SHB: variants seen among roughly 807,000 people sequenced by gnomAD.
SHB encodes SH2 domain containing adaptor protein B, also known as SH2 domain-containing adapter protein B.
A neutral mutation model predicts 52.3 loss-of-function variants in SHB; 20 were observed. The observed-to-expected ratio is 0.38, with a 90% CI of 0.27 to 0.56. The LOEUF (loss-of-function observed/expected upper bound fraction) is 0.56, where lower values mean the gene tolerates loss of function less well. Among genes scored for constraint, SHB ranks in the 20% least tolerant of loss-of-function variants. The pLI is 0.71. For missense variants in SHB, 825 were observed against 723.3 expected (o/e 1.14, Z -1.61); for synonymous variants, 397 against 316.5 (o/e 1.25, Z -2.70).
At chr9:38,050,894 G>A (rs913426354) in intron 1 of SHB, among the ~76,000 whole-genome samples, 3 of 152,070 alleles carry the variant, frequency 2.0e-5, no homozygotes, top group African/African-American at 7.2e-5. Flanking sequence ...GGGGGTGATG[G>A]GAGAAAACAC....
intron 1 of SHB, among the ~76,000 whole-genome samples, chr9:38,026,969 T>C (rs894416105): frequency 2.6e-5 from 4 of 152,190 alleles, no homozygotes; most frequent in Non-Finnish European, 4.4e-5. Flanking sequence ...GAGATGGGCA[T>C]TATTCAGTTC....
chr9:38,064,139 A>G (rs1273380815), intron 1 of SHB, among the ~76,000 whole-genome samples: 1 of 150,524 alleles, frequency 6.6e-6, no homozygotes, highest in Non-Finnish European at 1.5e-5. Context: ...TACTGTGTCT[A>G]CCTATTCCAG....
chr9:37,994,546 G>A (rs770382318), intron 2 of SHB, among the ~76,000 whole-genome samples: 66 of 152,240 alleles, frequency 4.3e-4, no homozygotes, highest in Non-Finnish European at 6.3e-4. Context: ...TCTGGGGAGC[G>A]ATTTGCCCCA....
intron 1 of SHB, among the ~76,000 whole-genome samples, chr9:38,036,816 A>G (rs1821494363): frequency 6.6e-6 from 1 of 152,196 alleles, no homozygotes; most frequent in Non-Finnish European, 1.5e-5. Flanking sequence ...CAACATCCCT[A>G]TGGATTTGAT....
At chr9:37,980,326 C>G (rs1437682289) in intron 2 of SHB, among the ~76,000 whole-genome samples, 1 of 152,194 alleles carries the variant, frequency 6.6e-6, no homozygotes, top group Non-Finnish European at 1.5e-5. Context: ...TAACAATGTT[C>G]CCAGCATCTT....
chr9:38,046,699 C>T (rs185538264), intron 1 of SHB, among the ~76,000 whole-genome samples: 3 of 152,340 alleles, frequency 2.0e-5, no homozygotes, highest in Non-Finnish European at 2.9e-5. Flanking sequence ...GAATTGAAAT[C>T]GCAATGAGAT....
chr9:37,965,558 C>A (rs1433418210), intron 3 of SHB, among the ~76,000 whole-genome samples: 1 of 151,074 alleles, frequency 6.6e-6, no homozygotes, highest in Non-Finnish European at 1.5e-5. Context: ...TTTCCTGAGA[C>A]CCGATTTACT....
chr9:38,023,195 G>A (rs1274679588), intron 1 of SHB, among the ~76,000 whole-genome samples: 1 of 152,218 alleles, frequency 6.6e-6, no homozygotes, highest in African/African-American at 2.4e-5. Flanking sequence ...GTGCAGAAAG[G>A]ATGCCGCCAG....
At chr9:37,962,202 G>A (rs997817019) in intron 3 of SHB, among the ~76,000 whole-genome samples, 18 of 152,202 alleles carry the variant, frequency 1.2e-4, no homozygotes, top group Non-Finnish European at 2.5e-4. Flanking sequence ...CCTGACCCAT[G>A]GTCACATGTA....
chr9:37,973,252 T>C (rs1820612270), intron 3 of SHB, among the ~76,000 whole-genome samples: 1 of 152,242 alleles, frequency 6.6e-6, no homozygotes, highest in Non-Finnish European at 1.5e-5. Flanking sequence ...TTTTTATTTT[T>C]TGCTCTTGTT....
chr9:37,943,117 G>A (rs1832453533), intron 5 of SHB, among the ~76,000 whole-genome samples: 1 of 152,158 alleles, frequency 6.6e-6, no homozygotes, highest in African/African-American at 2.4e-5. Flanking sequence ...TCAGATGAAT[G>A]TGTCATTTGT....
Position 38,068,028 on chromosome 9 carries a change from G to C in SHB, c.618C>G (p.Gly206=). 1 of 1,507,426 alleles carries C rather than the reference G, an allele frequency of 6.6e-7. No individual in the cohort carries two copies. The highest frequency in any genetic ancestry group is 1.2e-5 in the South Asian group (1 of 80,150). The allele number at this position is 1,507,426 out of a possible 1,614,324, so 93.4% of individuals were successfully genotyped here. Residue 206 remains glycine, a synonymous_variant, in exon 1 of 6, where the codon GGC becomes GGG. Transcript: ENST00000377707. ...AGDPLGGACA[G]GRTWSPTACG... Reference sequence around the variant, plus strand: ...AGGCCGTCGGGCTCCAGGTGCGGCCGCCCGCGCAGGCGCCCCCCAGGGGGT... The same window carrying C: ...AGGCCGTCGGGCTCCAGGTGCGGCCCCCCGCGCAGGCGCCCCCCAGGGGGT...
chr9:37,919,763 G>A lies in SHB; in HGVS notation c.*58C>T. ...ACAGTGGCTGGGCTGGTTGGTGGGG[G>A]GCCTCTGGCACCTCCAAGTCTCAGG... On this transcript the variant is annotated 3_prime_UTR_variant, in exon 6 of 6. Transcript: ENST00000377707. 7.0e-7 allele frequency: 1 copy of A among 1,418,914 alleles called. No homozygotes were observed. Among genetic ancestry groups the A allele is most frequent in the Non-Finnish European group, 9.9e-7 (1 of 1,012,140 alleles). 87.9% of individuals were successfully genotyped at this position (1,418,914 alleles called of 1,614,324 possible). A position where few individuals can be genotyped will look rare whatever the true frequency, so the allele number is the denominator to read the frequency against.
chr9:38,060,288 C>G (rs1362991348), intron 1 of SHB, among the ~76,000 whole-genome samples: 1 of 152,184 alleles, frequency 6.6e-6, no homozygotes, highest in Non-Finnish European at 1.5e-5. Flanking sequence ...AATTCTCCCA[C>G]CTCAGCCTCC....
chr9:38,061,857 G>A (rs942336261), intron 1 of SHB, among the ~76,000 whole-genome samples: 2 of 152,252 alleles, frequency 1.3e-5, no homozygotes, highest in African/African-American at 4.8e-5. Flanking sequence ...GTGTTAGAAT[G>A]AGAAGACATG....
chr9:38,008,867 T>C (rs1364067465), intron 2 of SHB, among the ~76,000 whole-genome samples: 1 of 151,968 alleles, frequency 6.6e-6, no homozygotes, highest in Non-Finnish European at 1.5e-5. Flanking sequence ...GTACAGGCTT[T>C]GGGGAGCAGA....
intron 5 of SHB, 35 bp downstream of exon 5, chr9:37,948,600 C>T (rs201498715): frequency 4.0e-5 from 64 of 1,608,710 alleles, no homozygotes; most frequent in Admixed American, 1.0e-4. Flanking sequence ...CAGAGGCTGC[C>T]GAGGAGGGCT....
intron 1 of SHB, among the ~76,000 whole-genome samples, chr9:38,026,958 G>A (rs1219494273): frequency 2.6e-5 from 4 of 152,216 alleles, no homozygotes; most frequent in Admixed American, 2.6e-4. Context: ...GGTCCCCAGG[G>A]GAGATGGGCA....
intron 2 of SHB, among the ~76,000 whole-genome samples, chr9:37,994,022 C>CGT (rs1820917172): frequency 6.6e-6 from 1 of 152,188 alleles, no homozygotes; most frequent in African/African-American, 2.4e-5. Flanking sequence ...GACAGCACCC[C>CGT]GTCTCCTTTG....
Sources: allele counts gnomAD v4.1 joint callset (sites outside exome capture counted in the v4.1 genomes callset), GRCh38; gene constraint gnomAD v4.1.1; transcripts MANE v1.5; gene names NCBI Gene and HGNC (gene_info 2026-07-23, HGNC 2026-07-21).